EFR3A: variants seen among roughly 807,000 people sequenced by gnomAD.
EFR3A encodes EFR3 homolog A, also known as protein EFR3 homolog A.
Under a neutral mutation model 104.4 loss-of-function variants are expected in EFR3A, and 76 were observed. The ratio of observed to expected loss-of-function variants is 0.73; its 90% CI spans 0.60 to 0.88. EFR3A has a LOEUF of 0.88. EFR3A is among the 40% of genes least tolerant of loss of function. The pLI, the probability that EFR3A is intolerant of heterozygous loss-of-function variation, is 0.00. For synonymous variants in EFR3A, 330 were observed against 330.0 expected (o/e 1.00, Z 0.00); for missense variants, 985 against 1,012.5 (o/e 0.97, Z 0.37).
intron 5 of EFR3A, among the ~76,000 whole-genome samples, chr8:131,953,053 G>C (rs1452269365): frequency 6.6e-6 from 1 of 152,028 alleles, no homozygotes; most frequent in African/African-American, 2.4e-5. Context: ...TTGTTCTTTT[G>C]CAGTTTTTAG....
chr8:131,937,779 CTT>C (rs78277313), intron 1 of EFR3A, among the ~76,000 whole-genome samples: 2,570 of 137,772 alleles, frequency 0.019, 68 homozygotes, highest in African/African-American at 0.064. Context: ...TCATCCCCCT[CTT>C]TTTTTTTTTT....
At chr8:131,920,553 C>T (rs1816959806) in intron 1 of EFR3A, among the ~76,000 whole-genome samples, 1 of 152,146 alleles carries the variant, frequency 6.6e-6, no homozygotes, top group Admixed American at 6.5e-5. Context: ...AGCAGGATGT[C>T]GCTTCCCCAT....
intron 1 of EFR3A, among the ~76,000 whole-genome samples, chr8:131,914,223 C>T (rs529903641): frequency 6.6e-6 from 1 of 152,148 alleles, no homozygotes; most frequent in Non-Finnish European, 1.5e-5. Context: ...CTTAGCTGGG[C>T]TGGAGTATGT....
At chr8:131,993,906 G>A (rs963099380) in intron 18 of EFR3A, among the ~76,000 whole-genome samples, 2 of 152,058 alleles carry the variant, frequency 1.3e-5, no homozygotes, top group Admixed American at 6.6e-5. Context: ...ACATAGAGGG[G>A]AACAATGCAC....
intron 5 of EFR3A, among the ~76,000 whole-genome samples, chr8:131,953,203 C>T (rs1170937719): frequency 6.6e-6 from 1 of 152,074 alleles, no homozygotes; most frequent in Non-Finnish European, 1.5e-5. Flanking sequence ...GCAGCATTCT[C>T]TCACTATTAT....
At chr8:131,917,646 A>G (rs543832535) in intron 1 of EFR3A, among the ~76,000 whole-genome samples, 20 of 152,330 alleles carry the variant, frequency 1.3e-4, no homozygotes, top group African/African-American at 4.3e-4. Flanking sequence ...ATAATGTTCT[A>G]TTGATTCTTT....
chr8:131,928,800 G>C (rs1049234313), intron 1 of EFR3A, among the ~76,000 whole-genome samples: 2 of 149,836 alleles, frequency 1.3e-5, no homozygotes, highest in Admixed American at 1.3e-4. Context: ...CCTCATTACT[G>C]GAGCGTTTTT....
At chr8:131,995,231 T>A (rs971496256) in intron 18 of EFR3A, among the ~76,000 whole-genome samples, 2 of 152,210 alleles carry the variant, frequency 1.3e-5, no homozygotes, top group African/African-American at 4.8e-5. Context: ...GCCTAACTTT[T>A]ACTCACTCAG....
At chr8:131,940,247 C>G in intron 1 of EFR3A, 1 of 446,300 alleles carries the variant, frequency 2.2e-6, no homozygotes, top group Non-Finnish European at 4.0e-6. Context: ...GATGTTTTCA[C>G]TTTGTCAGAT....
chr8:131,944,270 T>G (rs1278161896), intron 2 of EFR3A, among the ~76,000 whole-genome samples: 1 of 152,096 alleles, frequency 6.6e-6, no homozygotes, highest in East Asian at 1.9e-4. Context: ...GTATAGATTC[T>G]ACAGCTCTGA....
rs538026963 is a variant in EFR3A at position 131,989,072 on chromosome 8, A to G, written c.2065+1370A>G. ...TGCATCTCTACCAATGACTAGAAGA[A>G]TTCTGAATATTTTAGTGTCTACTTA... On this transcript the variant is annotated intron_variant, in intron 18 of 22. Coordinates refer to ENST00000254624, the MANE Select transcript of EFR3A (RefSeq NM_015137.6). 3.3e-5 allele frequency among the ~76,000 whole-genome samples: 5 copies of G among 152,298 alleles called. No individual in the cohort carries two copies. In the East Asian group the frequency reaches 9.6e-4, roughly 29 times the overall value.
At chr8:131,927,551 T>C (rs571636628) in intron 1 of EFR3A, among the ~76,000 whole-genome samples, 1 of 149,548 alleles carries the variant, frequency 6.7e-6, no homozygotes, top group South Asian at 2.2e-4. Flanking sequence ...CTAATATGAT[T>C]TTAGACACGG....
Position 131,987,576 on chromosome 8 carries a change from C to T in EFR3A, c.1939C>T (p.Leu647Phe), listed in dbSNP as rs1195438390. 1.3e-6 allele frequency: 2 copies of T among 1,590,184 alleles called. No individual in the cohort carries two copies. The highest frequency in any genetic ancestry group is 4.5e-5 in the East Asian group (2 of 44,490). The change falls in exon 18 of 23, where the codon CTT (leucine) becomes TTT (phenylalanine). Residue 647 changes from leucine (L) to phenylalanine (F), a missense_variant and splice_region_variant. Leu to Phe is a conservative substitution (Grantham distance 22). Transcript: ENST00000254624. The stretch of plus-strand genomic sequence containing the variant: ...TTGTTGTTTTGATGAACTTCGCAGG[C>T]TTCCAAAATCTTTAGAGAAGCATGA... ...PEHIFRDKCM[L>F]PKSLEKHEKD...
At position 131,904,272 on chromosome 8, in the gene EFR3A, C is replaced by A; in HGVS notation, c.-41C>A. On this transcript the variant is annotated 5_prime_UTR_variant, in exon 1 of 23. Coordinates refer to ENST00000254624, the MANE Select transcript of EFR3A (RefSeq NM_015137.6). ...GCCGTCGGCGCTCCCTGCGCGGCCCCGCTGAGCCTCGGTGCGGCGGCGAGC... is the reference window on the plus strand; with the variant it reads ...GCCGTCGGCGCTCCCTGCGCGGCCCAGCTGAGCCTCGGTGCGGCGGCGAGC... 7.8e-7 allele frequency: 1 copy of A among 1,281,264 alleles called. No homozygotes were observed. The highest frequency in any genetic ancestry group is 9.9e-7 in the Non-Finnish European group (1 of 1,012,104). The allele number at this position is 1,281,264 out of a possible 1,614,324, so 79.4% of individuals were successfully genotyped here. A position where few individuals can be genotyped will look rare whatever the true frequency, so the allele number is the denominator to read the frequency against.
At chr8:131,965,577 A>T (rs931936494) in intron 8 of EFR3A, among the ~76,000 whole-genome samples, 2 of 152,208 alleles carry the variant, frequency 1.3e-5, no homozygotes, top group African/African-American at 4.8e-5. Context: ...GCTGGAGAGG[A>T]TGTAGAGAAA....
At chr8:131,918,438 T>A (rs1245142761) in intron 1 of EFR3A, among the ~76,000 whole-genome samples, 1 of 152,266 alleles carries the variant, frequency 6.6e-6, no homozygotes, top group Non-Finnish European at 1.5e-5. Context: ...ATATCAGGCA[T>A]TGAACTTTGA....
intron 1 of EFR3A, among the ~76,000 whole-genome samples, chr8:131,933,240 G>A (rs571481492): frequency 3.9e-5 from 6 of 152,134 alleles, no homozygotes; most frequent in Non-Finnish European, 8.8e-5. Context: ...GGGCGGTATA[G>A]TCTTCTTGCC....
chr8:131,982,918 G>A (rs1261066958), intron 14 of EFR3A, among the ~76,000 whole-genome samples: 1 of 152,142 alleles, frequency 6.6e-6, no homozygotes, highest in Non-Finnish European at 1.5e-5. Context: ...AAGGAATCTG[G>A]TGGGTAGCTT....
intron 22 of EFR3A, among the ~76,000 whole-genome samples, chr8:132,008,445 C>G (rs555186692): frequency 2.0e-5 from 3 of 151,752 alleles, no homozygotes; most frequent in Non-Finnish European, 4.4e-5. Flanking sequence ...TCCATTAGCA[C>G]GAGAACAGAC....
Sources: allele counts gnomAD v4.1 joint callset (sites outside exome capture counted in the v4.1 genomes callset), GRCh38; gene constraint gnomAD v4.1.1; transcripts MANE v1.5; gene names NCBI Gene and HGNC (gene_info 2026-07-23, HGNC 2026-07-21).